B3GALNT1: variants seen among roughly 807,000 people sequenced by gnomAD.
B3GALNT1 encodes the protein beta-1,3-N-acetylgalactosaminyltransferase 1 (Globoside blood group).
Under a neutral mutation model 27.3 loss-of-function variants are expected in B3GALNT1, and 17 were observed. That is an observed-to-expected ratio of 0.62 (90% CI 0.43 to 0.94). B3GALNT1 has a LOEUF of 0.94. B3GALNT1 is among the 40% of genes least tolerant of loss of function. The pLI is 0.00. For missense variants in B3GALNT1, 347 were observed against 390.0 expected, an observed-to-expected ratio of 0.89 and a Z score of 0.93; for synonymous variants, 141 against 144.0, an observed-to-expected ratio of 0.98 and a Z score of 0.15.
chr3:161,101,073 A>C (rs1360705537), intron 4 of B3GALNT1, 66 bp downstream of exon 4: 1 of 1,213,404 alleles, frequency 8.2e-7, no homozygotes, highest in Non-Finnish European at 1.1e-6. Context: ...CCAACCTCAC[A>C]TCTAATCTCA....
intron 3 of B3GALNT1, among the ~76,000 whole-genome samples, chr3:161,101,768 A>G (rs1560013378): frequency 6.6e-6 from 1 of 152,220 alleles, no homozygotes. Context: ...TGTTATCAGT[A>G]TGGAGAAGGG....
chr3:161,101,297 C>T (rs1287860796), intron 3 of B3GALNT1, 64 bp from the exon 4 acceptor site: 2 of 1,001,522 alleles, frequency 2.0e-6, no homozygotes, highest in Admixed American at 2.3e-5. Flanking sequence ...GAAAGCTGGG[C>T]TTTCTGTGTC....
At chr3:161,088,978 G>A (rs1206808600) in intron 4 of B3GALNT1, among the ~76,000 whole-genome samples, 1 of 152,090 alleles carries the variant, frequency 6.6e-6, no homozygotes, top group Non-Finnish European at 1.5e-5. Context: ...AAATAAAGCA[G>A]CAGCAAAAAG....
At chr3:161,099,418 C>T (rs1296592712) in intron 4 of B3GALNT1, among the ~76,000 whole-genome samples, 1 of 152,098 alleles carries the variant, frequency 6.6e-6, no homozygotes, top group East Asian at 1.9e-4. Context: ...GTTCGAAAAA[C>T]CAGCTGCACA....
chr3:161,105,051 C>T (rs540819315), intron 1 of B3GALNT1, 184 bp downstream of exon 1: 1 of 152,326 alleles, frequency 6.6e-6, no homozygotes, highest in East Asian at 1.9e-4. Flanking sequence ...CACGGTGCGG[C>T]GGCTCAACCT....
rs1721470726 is a variant in B3GALNT1 at position 161,085,964 on chromosome 3, T to G, written c.791A>C (p.Lys264Thr). The change falls in exon 5 of 5, where the codon AAG becomes ACG. Residue 264 changes from lysine (K) to threonine (T), a missense_variant. By Grantham distance (78) the Lys-to-Thr change is moderately conservative. Coordinates refer to ENST00000320474, the MANE Select transcript of B3GALNT1 (RefSeq NM_003781.4). ...GATCCCGACATAAACATCTTCAAAC[T>G]TGATGGGTTTTACGTGACCCATCAT... is the stretch of plus-strand genomic sequence containing the variant. Reference protein sequence around the residue: ...YEMMGHVKPIKFEDVYVGICL... With the variant: ...YEMMGHVKPITFEDVYVGICL... The G allele has an allele frequency of 6.3e-7, 1 of 1,599,200 alleles. No individual in the cohort carries two copies. The highest frequency in any genetic ancestry group is 1.7e-5 in the Admixed American group (1 of 58,170).
At chr3:161,101,776 G>A (rs578122882) in intron 3 of B3GALNT1, among the ~76,000 whole-genome samples, 17 of 152,282 alleles carry the variant, frequency 1.1e-4, no homozygotes, top group African/African-American at 3.6e-4. Flanking sequence ...GTATGGAGAA[G>A]GGAACTATTT....
In B3GALNT1 at chr3:161,085,411, A is replaced by G. The variant is rs1559959805; in HGVS notation, c.*348T>C. ...AAGTGACTACATTGTTCAATAAATA[A>G]AACTCTACATTGTTTTGTTTTTACA... On this transcript the variant is annotated 3_prime_UTR_variant, in exon 5 of 5. Transcript: ENST00000320474. 3.9e-6 allele frequency: 1 copy of G among 256,088 alleles called. No homozygotes were observed. Among genetic ancestry groups the G allele is most frequent in the East Asian group, 9.3e-5 (1 of 10,796 alleles). 15.9% of individuals were successfully genotyped at this position (256,088 alleles called of 1,614,324 possible). A position where few individuals can be genotyped will look rare whatever the true frequency, so the allele number is the denominator to read the frequency against.
chr3:161,103,750 T>TG (rs1455346712), intron 2 of B3GALNT1, among the ~76,000 whole-genome samples: 1 of 152,196 alleles, frequency 6.6e-6, no homozygotes, highest in Non-Finnish European at 1.5e-5. Flanking sequence ...GTTTTGGAGA[T>TG]GGAGTCTCAC....
At chr3:161,091,460 A>G (rs1370409778) in intron 4 of B3GALNT1, among the ~76,000 whole-genome samples, 2 of 152,160 alleles carry the variant, frequency 1.3e-5, no homozygotes, top group Non-Finnish European at 2.9e-5. Context: ...TCTGAGTAAT[A>G]TGACAAAATC....
intron 4 of B3GALNT1, among the ~76,000 whole-genome samples, chr3:161,095,161 A>C (rs1727452192): frequency 6.6e-6 from 1 of 152,020 alleles, no homozygotes; most frequent in Admixed American, 6.6e-5. Flanking sequence ...TGAATATGTC[A>C]ACTATTTTCC....
intron 4 of B3GALNT1, among the ~76,000 whole-genome samples, chr3:161,099,809 A>AACACAC (rs149223798): frequency 6.7e-6 from 1 of 148,934 alleles, no homozygotes; most frequent in African/African-American, 2.5e-5. Flanking sequence ...CCCCTTCTCT[A>AACACAC]ACACACACAC....
chr3:161,093,831 A>AT (rs1366256896), intron 4 of B3GALNT1, among the ~76,000 whole-genome samples: 4 of 151,976 alleles, frequency 2.6e-5, no homozygotes, highest in African/African-American at 9.7e-5. Flanking sequence ...GACCCCATAG[A>AT]TAAAAAAAAA....
At position 161,092,152 on chromosome 3, in the gene B3GALNT1, T is replaced by C. The variant is rs34942698; in HGVS notation, c.-34-5364A>G. ...GAATCTAATCAAATTTTACAAGAAA[T>C]ACAGAGGATAGAAAGAAAAGCTAAG... On this transcript the variant is annotated intron_variant, in intron 4 of 4. Transcript: ENST00000320474. 3.5e-3 allele frequency among the ~76,000 whole-genome samples: 536 copies of C among 152,044 alleles called. 3 individuals carry two copies. The highest frequency in any genetic ancestry group is 0.012 in the African/African-American group (517 of 41,452).
rs1733129678 is a variant in B3GALNT1, at chr3:161,104,353, T to C, written c.-255A>G. ...CAGAAAAAAAGACATGGTTTGGCAA[T>C]TTCTTCCTTGATAGCTTTTCCCACA... On this transcript the variant is annotated 5_prime_UTR_variant, in exon 2 of 5. Coordinates refer to ENST00000320474, the MANE Select transcript of B3GALNT1 (RefSeq NM_003781.4). The C allele has an allele frequency of 7.8e-7, 1 of 1,289,764 alleles. No homozygotes were observed. Among genetic ancestry groups the C allele is most frequent in the South Asian group, 1.2e-5 (1 of 81,016 alleles). The allele number at this position is 1,289,764 out of a possible 1,614,324, so 79.9% of individuals were successfully genotyped here.
intron 1 of B3GALNT1, chr3:161,104,865 G>T (rs1733468514): frequency 6.5e-6 from 1 of 153,622 alleles, no homozygotes; most frequent in Non-Finnish European, 1.4e-5. Context: ...TGGCTGGAGC[G>T]GCACGGGCGA....
Position 161,085,728 on chromosome 3 carries a change from T to C in B3GALNT1, c.*31A>G. ...ATTTAACACTTTCCACAAAGTATCC[T>C]GTCCTTCTAGGCTTTTTGTAGAATG... On this transcript the variant is annotated 3_prime_UTR_variant, in exon 5 of 5. Transcript: ENST00000320474. 2 of 1,610,668 alleles carry C rather than the reference T, an allele frequency of 1.2e-6. No individual in the cohort carries two copies. Among genetic ancestry groups the C allele is most frequent in the Non-Finnish European group, 1.7e-6 (2 of 1,176,868 alleles).
chr3:161,086,384 T>C lies in B3GALNT1; in HGVS notation c.371A>G (p.Lys124Arg). 6.2e-7 allele frequency: 1 copy of C among 1,614,134 alleles called. No homozygotes were observed. Among genetic ancestry groups the C allele is most frequent in the Non-Finnish European group, 8.5e-7 (1 of 1,180,034 alleles). ...TFFLLGQEAE[K>R]EDKMLALSLE... is the part of the protein sequence containing the mutation. ...GGACAATGCCAACATTTTGTCTTCC[T>C]TTTCAGCCTCTTGGCCTAATAAGAA... is the stretch of plus-strand genomic sequence containing the variant. The change falls in exon 5 of 5, where the codon AAG becomes AGG. Residue 124 changes from lysine to arginine, a missense_variant. By Grantham distance (26) the Lys-to-Arg change is conservative (BLOSUM62 2). Coordinates refer to ENST00000320474, the MANE Select transcript of B3GALNT1 (RefSeq NM_003781.4).
At chr3:161,100,516 T>C (rs1730671816) in intron 4 of B3GALNT1, among the ~76,000 whole-genome samples, 3 of 152,336 alleles carry the variant, frequency 2.0e-5, no homozygotes, top group East Asian at 3.9e-4. Flanking sequence ...TGCTGAGGTA[T>C]AAGACATCTG....
Sources: allele counts gnomAD v4.1 joint callset (sites outside exome capture counted in the v4.1 genomes callset), GRCh38; gene constraint gnomAD v4.1.1; transcripts MANE v1.5; gene names NCBI Gene and HGNC (gene_info 2026-07-23, HGNC 2026-07-21).